The following C13orf42 variants were observed in gnomAD, a reference collection of about 807,000 sequenced individuals.
C13orf42 encodes uncharacterized protein C13orf42.
At chr13:51,119,052 A>AT (rs1953513201) in intron 1 of C13orf42, among the ~76,000 whole-genome samples, 1 of 146,320 alleles carries the variant, frequency 6.8e-6, no homozygotes, top group South Asian at 2.2e-4. Flanking sequence ...GTGCTCAGGC[A>AT]TATGGCATGC....
chr13:51,092,654 T>C (rs1405917090), intron 1 of C13orf42, among the ~76,000 whole-genome samples: 4 of 152,004 alleles, frequency 2.6e-5, no homozygotes, highest in African/African-American at 9.7e-5. Context: ...TCATATATTA[T>C]CATATTTAAT....
chr13:51,140,735 A>G (rs1953689554), intron 1 of C13orf42, among the ~76,000 whole-genome samples: 1 of 152,116 alleles, frequency 6.6e-6, no homozygotes, highest in South Asian at 2.1e-4. Flanking sequence ...GATGGAAGGG[A>G]GGTCACTCCT....
At chr13:51,109,128 G>T (rs564462972) in intron 1 of C13orf42, among the ~76,000 whole-genome samples, 12 of 152,314 alleles carry the variant, frequency 7.9e-5, no homozygotes, top group African/African-American at 2.6e-4. Context: ...TGGCCACAGA[G>T]TCAGCACCAG....
intron 1 of C13orf42, among the ~76,000 whole-genome samples, chr13:51,134,382 G>T (rs1480630709): frequency 6.6e-6 from 1 of 152,118 alleles, no homozygotes; most frequent in Non-Finnish European, 1.5e-5. Context: ...AGCTGTTTTG[G>T]TGTGGTTTGG....
intron 1 of C13orf42, among the ~76,000 whole-genome samples, chr13:51,103,667 T>C (rs1953316965): frequency 5.3e-5 from 8 of 151,434 alleles, no homozygotes; most frequent in Admixed American, 5.3e-4. Context: ...CGCCACTGCA[T>C]ACCAGCGCGG....
chr13:51,084,328 A>T lies in C13orf42; in HGVS notation c.804-3T>A, dbSNP rs74686962. 7,338 of 398,760 alleles carry T rather than the reference A, an allele frequency of 0.018. 442 individuals are homozygous for T. Among genetic ancestry groups the T allele is most frequent in the African/African-American group, 0.13 (6,412 of 48,754 alleles). 24.7% of individuals were successfully genotyped at this position (398,760 alleles called of 1,614,324 possible). A position where few individuals can be genotyped will look rare whatever the true frequency, so the allele number is the denominator to read the frequency against. The stretch of plus-strand genomic sequence containing the variant: ...GGATCTGTCTGGAGCTCCCCAGGCT[A>T]GAAGGAAGGAATGAGGCAGGAGGTT... On this transcript the variant is annotated splice_region_variant and splice_polypyrimidine_tract_variant and intron_variant, in intron 3 of 3. Coordinates refer to ENST00000563710, the MANE Select transcript of C13orf42 (RefSeq NM_001351589.3).
chr13:51,094,168 C>A (rs966894540), intron 1 of C13orf42, among the ~76,000 whole-genome samples: 8 of 152,124 alleles, frequency 5.3e-5, no homozygotes, highest in African/African-American at 1.7e-4. Flanking sequence ...CAATATTCAT[C>A]TTGTACATTT....
At chr13:51,114,316 T>C (rs943436441), upstream of C13orf42, among the ~76,000 whole-genome samples, 3 of 152,222 alleles carry the variant, frequency 2.0e-5, no homozygotes, top group African/African-American at 7.2e-5. Context: ...CAAAACTAGA[T>C]ACCACCTATT....
intron 1 of C13orf42, among the ~76,000 whole-genome samples, chr13:51,137,051 G>A (rs73485879): frequency 0.015 from 2,264 of 152,268 alleles, 61 homozygotes; most frequent in African/African-American, 0.052. Context: ...GGCCCCATAA[G>A]GAAGAGGAGC....
intron 1 of C13orf42, among the ~76,000 whole-genome samples, chr13:51,168,860 C>T (rs1383043565): frequency 6.8e-6 from 1 of 147,742 alleles, no homozygotes; most frequent in Non-Finnish European, 1.5e-5. Context: ...GTGGCACCTC[C>T]CTGCTCTCTC....
At chr13:51,104,952 C>T (rs947445695) in intron 1 of C13orf42, among the ~76,000 whole-genome samples, 1 of 152,176 alleles carries the variant, frequency 6.6e-6, no homozygotes, top group African/African-American at 2.4e-5. Context: ...ACATCCCATA[C>T]GTGACCCTGG....
intron 1 of C13orf42, among the ~76,000 whole-genome samples, chr13:51,142,692 G>A (rs948761283): frequency 2.7e-5 from 4 of 150,280 alleles, no homozygotes; most frequent in Non-Finnish European, 4.4e-5. Context: ...TCAGAGTTAT[G>A]TATAAAACAA....
chr13:51,133,916 G>A (rs532163274), intron 1 of C13orf42, among the ~76,000 whole-genome samples: 1 of 152,220 alleles, frequency 6.6e-6, no homozygotes, highest in South Asian at 2.1e-4. Flanking sequence ...TGAGGACAGG[G>A]GACAAAAGCC....
chr13:51,121,119 G>C (rs1335094846), intron 1 of C13orf42, among the ~76,000 whole-genome samples: 1 of 152,128 alleles, frequency 6.6e-6, no homozygotes, highest in African/African-American at 2.4e-5. Flanking sequence ...GTTGGTAGCT[G>C]AGCCCAGGGT....
chr13:51,121,770 T>G (rs987886121), intron 1 of C13orf42, among the ~76,000 whole-genome samples: 1 of 151,978 alleles, frequency 6.6e-6, no homozygotes, highest in African/African-American at 2.4e-5. Flanking sequence ...CTCCTGACCT[T>G]GTGATCCACC....
intron 1 of C13orf42, among the ~76,000 whole-genome samples, chr13:51,135,830 ACTT>A (rs1953653796): frequency 6.6e-6 from 1 of 152,000 alleles, no homozygotes; most frequent in Non-Finnish European, 1.5e-5. Context: ...AGTTCCTCTC[ACTT>A]CTTTCATTCT....
chr13:51,152,617 T>C (rs1209827634), intron 1 of C13orf42, among the ~76,000 whole-genome samples: 1 of 152,204 alleles, frequency 6.6e-6, no homozygotes, highest in Non-Finnish European at 1.5e-5. Context: ...AACCCATTTC[T>C]TTTTTAGAAA....
chr13:51,149,125 A>T (rs1456389324), intron 1 of C13orf42, among the ~76,000 whole-genome samples: 1 of 152,098 alleles, frequency 6.6e-6, no homozygotes, highest in Non-Finnish European at 1.5e-5. Context: ...CCACGCTGCT[A>T]ATTTCAGTCC....
chr13:51,098,071 A>T (rs988639137), intron 1 of C13orf42, among the ~76,000 whole-genome samples: 4 of 152,166 alleles, frequency 2.6e-5, no homozygotes, highest in Non-Finnish European at 4.4e-5. Context: ...CTTTCCAAAC[A>T]AAACTCCTTT....
Sources: allele counts gnomAD v4.1 joint callset (sites outside exome capture counted in the v4.1 genomes callset), GRCh38; gene constraint gnomAD v4.1.1; transcripts MANE v1.5; gene names NCBI Gene and HGNC (gene_info 2026-07-23, HGNC 2026-07-21).